Variants in CEACAM6 observed in about 807,000 individuals in gnomAD.
The protein encoded by CEACAM6 is CEA cell adhesion molecule 6, also known as cell adhesion molecule CEACAM6.
In CEACAM6, 21 loss-of-function variants were observed where a neutral mutation model predicts 32.4. That is an observed-to-expected ratio of 0.65 (90% CI 0.46 to 0.93). The LOEUF is 0.93. CEACAM6 is among the 40% of genes least tolerant of loss of function. The pLI is 0.00. For synonymous variants in CEACAM6, 184 were observed against 174.4 expected (o/e 1.06, Z -0.43); for missense variants, 406 against 432.2 (o/e 0.94, Z 0.54).
intron 2 of CEACAM6, among the ~76,000 whole-genome samples, chr19:41,758,981 C>T (rs1464869119): frequency 5.3e-5 from 8 of 152,214 alleles, no homozygotes; most frequent in East Asian, 1.9e-4. Context: ...GAACAGGCCA[C>T]GGGACAGGGA....
At chr19:41,757,012 A>G in intron 2 of CEACAM6, 53 bp downstream of exon 2, 1 of 1,557,400 alleles carries the variant, frequency 6.4e-7, no homozygotes, top group Non-Finnish European at 8.7e-7. Flanking sequence ...TACTTCCCAC[A>G]TACGGGATTG....
chr19:41,762,265 G>A (rs1555822011), intron 4 of CEACAM6, 42 bp downstream of exon 4: 1 of 1,593,506 alleles, frequency 6.3e-7, no homozygotes, highest in South Asian at 1.1e-5. Flanking sequence ...TTTTCAGGTG[G>A]AGTCTGGCTC....
At chr19:41,760,799 C>G (rs554634625) in intron 2 of CEACAM6, among the ~76,000 whole-genome samples, 2 of 152,276 alleles carry the variant, frequency 1.3e-5, no homozygotes, top group South Asian at 4.1e-4. Flanking sequence ...TAAGAAGTCC[C>G]ATCATCACCC....
chr19:41,766,124 C>A lies in CEACAM6; in HGVS notation c.959-59C>A, dbSNP rs2072954070. On this transcript the variant is annotated intron_variant, in intron 4 of 5. Coordinates refer to ENST00000199764, the MANE Select transcript of CEACAM6 (RefSeq NM_002483.7). ...GCCTACTTCATGTTGACAGCTAGTT[C>A]TTGGGGACCCCACTGTAGAATAACA... 6.5e-6 allele frequency: 8 copies of A among 1,231,150 alleles called. No individual in the cohort carries two copies. In the South Asian group the frequency reaches 9.9e-5, roughly 15 times the overall value. 76.3% of individuals were successfully genotyped at this position (1,231,150 alleles called of 1,614,324 possible).
intron 5 of CEACAM6, among the ~76,000 whole-genome samples, chr19:41,770,501 T>C (rs1223247279): frequency 1.3e-5 from 2 of 151,966 alleles, no homozygotes; most frequent in Non-Finnish European, 2.9e-5. Flanking sequence ...CGCTTGAACT[T>C]GGGAGGTGGA....
At chr19:41,770,473 C>G (rs575696167) in intron 5 of CEACAM6, among the ~76,000 whole-genome samples, 3 of 151,714 alleles carry the variant, frequency 2.0e-5, no homozygotes, top group Non-Finnish European at 4.4e-5. Flanking sequence ...TAGGCCTATA[C>G]TCCTATTCAA....
chr19:41,771,638 C>G lies in CEACAM6; in HGVS notation c.*877C>G, dbSNP rs1404808627. ...CCTAATAGTCATACTAGTAGTCATA[C>G]TCCCTGGTGTAGTGTATTCTCTAAA... On this transcript the variant is annotated 3_prime_UTR_variant, in exon 6 of 6. Coordinates refer to ENST00000199764, the MANE Select transcript of CEACAM6 (RefSeq NM_002483.7). The G allele has an allele frequency of 6.6e-6, 1 of 152,196 alleles. No homozygotes were observed. The highest frequency in any genetic ancestry group is 1.5e-5 in the Non-Finnish European group (1 of 68,028). The allele number at this position is 152,196 out of a possible 1,614,324, so 9.4% of individuals were successfully genotyped here.
intron 2 of CEACAM6, among the ~76,000 whole-genome samples, chr19:41,758,347 T>A (rs11669653): frequency 0.38 from 57,528 of 151,844 alleles, 11,569 homozygotes; most frequent in East Asian, 0.51. Flanking sequence ...GAGTTCTCTC[T>A]TGAAAAAGGG....
intron 5 of CEACAM6, among the ~76,000 whole-genome samples, chr19:41,768,232 C>T (rs1368620833): frequency 2.0e-5 from 3 of 152,176 alleles, no homozygotes; most frequent in African/African-American, 7.2e-5. Flanking sequence ...TTTTCCTAGG[C>T]AGAGGACCCT....
intron 4 of CEACAM6, among the ~76,000 whole-genome samples, chr19:41,763,881 A>T (rs1175788072): frequency 6.6e-6 from 1 of 152,174 alleles, no homozygotes; most frequent in Non-Finnish European, 1.5e-5. Context: ...AACAGAGATA[A>T]TTTTACTTCT....
chr19:41,760,608 T>C (rs1293612433), intron 2 of CEACAM6, among the ~76,000 whole-genome samples: 2 of 152,214 alleles, frequency 1.3e-5, no homozygotes, highest in African/African-American at 4.8e-5. Flanking sequence ...GCTCTATCTG[T>C]AGGTGTCACA....
At chr19:41,768,111 T>G (rs1443061990) in intron 5 of CEACAM6, among the ~76,000 whole-genome samples, 1 of 152,090 alleles carries the variant, frequency 6.6e-6, no homozygotes, top group Non-Finnish European at 1.5e-5. Flanking sequence ...TTATTGATCA[T>G]TCTTGGGTGT....
chr19:41,767,607 A>G (rs916573166), intron 5 of CEACAM6, among the ~76,000 whole-genome samples: 7 of 152,202 alleles, frequency 4.6e-5, no homozygotes, highest in African/African-American at 1.7e-4. Context: ...ATTCTGATCT[A>G]CTGATCTGGA....
chr19:41,763,802 A>T (rs566571616), intron 4 of CEACAM6, among the ~76,000 whole-genome samples: 2 of 152,194 alleles, frequency 1.3e-5, no homozygotes, highest in Non-Finnish European at 2.9e-5. Flanking sequence ...GGAGCTGCCC[A>T]AGCCCTCGGT....
Position 41,767,785 on chromosome 19 carries a change from C to CG in CEACAM6, c.*40+1486_*40+1487insG, listed in dbSNP as rs2072964962. 2.6e-5 allele frequency among the ~76,000 whole-genome samples: 4 copies of CG among 152,198 alleles called. 1 individual carries two copies. Among genetic ancestry groups the CG allele is most frequent in the African/African-American group, 9.6e-5 (4 of 41,522 alleles). ...CTTTTTCAACATACATGGGCCTATA[C>CG]TTTGTTGGCCTAATTCATTAATGGG... is the stretch of plus-strand genomic sequence containing the variant. On this transcript the variant is annotated intron_variant, in intron 5 of 5. Coordinates refer to ENST00000199764, the MANE Select transcript of CEACAM6 (RefSeq NM_002483.7).
At position 41,756,665 on chromosome 19, in the gene CEACAM6, A is replaced by G; in HGVS notation, c.130A>G (p.Asn44Asp). ...GCTCACTATTGAATCCACGCCGTTCAATGTCGCAGAGGGGAAGGAGGTTCT... is the reference window on the plus strand; with the variant it reads ...GCTCACTATTGAATCCACGCCGTTCGATGTCGCAGAGGGGAAGGAGGTTCT... ...AKLTIESTPFNVAEGKEVLLL... is the reference protein window; with the variant it reads ...AKLTIESTPFDVAEGKEVLLL... Residue 44 changes from asparagine to aspartate, a missense_variant, in exon 2 of 6, where the codon AAT (asparagine) becomes GAT (aspartate). By Grantham distance (23) the Asn-to-Asp change is conservative (BLOSUM62 1). Transcript: ENST00000199764. 1 of 1,614,112 alleles carries G rather than the reference A, an allele frequency of 6.2e-7. No homozygotes were observed. Among genetic ancestry groups the G allele is most frequent in the Non-Finnish European group, 8.5e-7 (1 of 1,180,020 alleles).
chr19:41,755,854 G>A, intron 1 of CEACAM6, 152 bp downstream of exon 1: 1 of 536,202 alleles, frequency 1.9e-6, no homozygotes, highest in Non-Finnish European at 3.3e-6. Flanking sequence ...GGTCACAACA[G>A]GAAAGTCACA....
chr19:41,756,424 G>T (rs1223196777), intron 1 of CEACAM6, among the ~76,000 whole-genome samples, 176 bp from the exon 2 acceptor site: 2 of 150,168 alleles, frequency 1.3e-5, no homozygotes, highest in Non-Finnish European at 3.0e-5. Context: ...AGGAATGGGG[G>T]TGTCACACTG....
Position 41,762,132 on chromosome 19 carries a change from C to T in CEACAM6, c.867C>T (p.Ile289=). Residue 289 remains isoleucine, a synonymous_variant, in exon 4 of 6, where the codon ATC becomes ATT. Transcript: ENST00000199764. ...QSTQELFIPN[I]TVNNSGSYMC... Reference sequence around the variant, plus strand: ...CACAAGAGCTCTTTATCCCCAACATCACTGTGAATAATAGCGGATCCTATA... The same window carrying T: ...CACAAGAGCTCTTTATCCCCAACATTACTGTGAATAATAGCGGATCCTATA... 3 of 1,614,212 alleles carry T rather than the reference C, an allele frequency of 1.9e-6. No individual in the cohort carries two copies. Among genetic ancestry groups the T allele is most frequent in the Non-Finnish European group, 2.5e-6 (3 of 1,180,044 alleles).
Sources: gnomAD v4.1 joint callset for allele counts (sites outside exome capture counted in the v4.1 genomes callset) on GRCh38, gnomAD v4.1.1 for gene constraint, MANE v1.5 for transcripts, NCBI Gene and HGNC (gene_info 2026-07-23, HGNC 2026-07-21) for gene names.